The following CHRM5 variants were observed in gnomAD, a reference collection of about 807,000 sequenced individuals.
CHRM5 encodes cholinergic receptor muscarinic 5.
CHRM5 carries 18 observed loss-of-function variants against 39.0 expected under a neutral mutation model. That is an observed-to-expected ratio of 0.46 (90% CI 0.32 to 0.68). CHRM5 has a LOEUF of 0.68. Among genes scored for constraint, CHRM5 ranks in the 30% least tolerant of loss-of-function variants. The probability of loss-of-function intolerance (pLI) is 0.04; values close to 1 mark genes in which losing one functional copy is unlikely to be tolerated. For missense variants in CHRM5, 515 were observed against 651.1 expected (o/e 0.79, Z 2.28); for synonymous variants, 241 against 246.3 (o/e 0.98, Z 0.20).
intron 1 of CHRM5, among the ~76,000 whole-genome samples, chr15:34,040,885 G>C (rs2140803923): frequency 7.2e-6 from 1 of 139,102 alleles, no homozygotes; most frequent in South Asian, 2.5e-4. Context: ...ATGGGCAACA[G>C]AAGGAGACTG....
chr15:34,017,484 GT>G (rs60119659), intron 1 of CHRM5, among the ~76,000 whole-genome samples: 3,181 of 107,310 alleles, frequency 0.03, 93 homozygotes, highest in African/African-American at 0.074. Context: ...TTTTTTTTTT[GT>G]TTTTTTTTTT....
At position 33,997,713 on chromosome 15, in the gene CHRM5, A is replaced by T. The variant is rs1400615243; in HGVS notation, c.-408+28563A>T. Among the ~76,000 whole-genome samples, 12 of 151,912 alleles carry T rather than the reference A, an allele frequency of 7.9e-5. 1 individual carries two copies. Among genetic ancestry groups the T allele is most frequent in the Admixed American group, 7.9e-4 (12 of 15,242 alleles). On this transcript the variant is annotated intron_variant, in intron 1 of 2. Coordinates refer to ENST00000383263, the MANE Select transcript of CHRM5 (RefSeq NM_012125.4). ...CTCTCATATCTTCACTTATTTCCTT[A>T]TCCCACTTAAATTCATTTCAATCAT...
chr15:34,019,227 A>G (rs1236965451), intron 1 of CHRM5, among the ~76,000 whole-genome samples: 1 of 152,208 alleles, frequency 6.6e-6, no homozygotes, highest in Non-Finnish European at 1.5e-5. Context: ...AGGCTAATGG[A>G]TGTAATTGTT....
chr15:34,054,461 T>C (rs1038545905), intron 2 of CHRM5, among the ~76,000 whole-genome samples: 10 of 152,226 alleles, frequency 6.6e-5, no homozygotes, highest in African/African-American at 2.4e-4. Context: ...GGATAAAAAA[T>C]GTGGTACAGA....
At chr15:34,016,189 G>A (rs969004833) in intron 1 of CHRM5, among the ~76,000 whole-genome samples, 31 of 152,260 alleles carry the variant, frequency 2.0e-4, no homozygotes, top group South Asian at 1.0e-3. Context: ...AGCCAAGATC[G>A]TGCCATTGCA....
intron 1 of CHRM5, among the ~76,000 whole-genome samples, chr15:34,031,886 C>T (rs993874422): frequency 3.9e-5 from 6 of 152,170 alleles, no homozygotes; most frequent in Admixed American, 3.9e-4. Context: ...TTCTCCATAA[C>T]CATTATCCAT....
chr15:34,003,072 T>C (rs778745031), intron 1 of CHRM5: 6 of 1,614,044 alleles, frequency 3.7e-6, no homozygotes, highest in African/African-American at 2.7e-5. Context: ...TTCCCCTCTG[T>C]GACTCTCCAC....
At chr15:34,003,725 G>T (rs1227000383) in intron 1 of CHRM5, among the ~76,000 whole-genome samples, 1 of 152,184 alleles carries the variant, frequency 6.6e-6, no homozygotes. Context: ...GAGGGACAAT[G>T]ACTTGTGAAA....
At chr15:33,999,928 A>C (rs75169769) in intron 1 of CHRM5, among the ~76,000 whole-genome samples, 2 of 152,318 alleles carry the variant, frequency 1.3e-5, no homozygotes, top group African/African-American at 4.8e-5. Flanking sequence ...ACATCTTTAC[A>C]ATGGTCTACA....
At chr15:33,986,746 T>C (rs1896490045) in intron 1 of CHRM5, among the ~76,000 whole-genome samples, 1 of 147,826 alleles carries the variant, frequency 6.8e-6, no homozygotes, top group African/African-American at 2.4e-5. Flanking sequence ...AACCTCCGCC[T>C]CCCAGGTTCA....
chr15:34,041,667 GTTT>G (rs752344845), intron 1 of CHRM5, among the ~76,000 whole-genome samples: 1 of 152,096 alleles, frequency 6.6e-6, no homozygotes. Context: ...ATGATGCCAA[GTTT>G]TTTTAACACT....
intron 1 of CHRM5, among the ~76,000 whole-genome samples, chr15:33,996,374 T>G (rs527423565): frequency 6.7e-6 from 1 of 150,010 alleles, no homozygotes; most frequent in African/African-American, 2.5e-5. Flanking sequence ...ACAGACTGCC[T>G]CCTCAAGTGG....
Position 34,064,690 on chromosome 15 carries a change from C to T in CHRM5, c.*374C>T, listed in dbSNP as rs1156424073. The T allele has an allele frequency of 1.3e-5, 3 of 233,028 alleles. No homozygotes were observed. Among genetic ancestry groups the T allele is most frequent in the African/African-American group, 4.6e-5 (2 of 43,568 alleles). The allele number at this position is 233,028 out of a possible 1,614,324, so 14.4% of individuals were successfully genotyped here. ...AGGTGGAAACCTTTTCCTGTGGAAA[C>T]CTGTCATAGAATTTTGTGCAATATG... On this transcript the variant is annotated 3_prime_UTR_variant, in exon 3 of 3. Coordinates refer to ENST00000383263, the MANE Select transcript of CHRM5 (RefSeq NM_012125.4).
intron 1 of CHRM5, among the ~76,000 whole-genome samples, chr15:34,021,123 T>TA (rs1238357812): frequency 2.6e-5 from 4 of 152,238 alleles, no homozygotes; most frequent in Non-Finnish European, 5.9e-5. Flanking sequence ...GAAGAGTCTA[T>TA]AAAATGCCTA....
chr15:34,055,218 G>T (rs932747353), intron 2 of CHRM5, among the ~76,000 whole-genome samples: 1 of 151,470 alleles, frequency 6.6e-6, no homozygotes, highest in Admixed American at 6.6e-5. Flanking sequence ...AATAAACAAG[G>T]CCAGGCCCGG....
chr15:33,997,758 C>T (rs917952010), intron 1 of CHRM5, among the ~76,000 whole-genome samples: 18 of 152,110 alleles, frequency 1.2e-4, no homozygotes, highest in African/African-American at 4.1e-4. Context: ...CTCCTTTTCC[C>T]TCTCTCATTT....
chr15:34,042,389 G>A (rs995818340), intron 1 of CHRM5, among the ~76,000 whole-genome samples: 1 of 149,968 alleles, frequency 6.7e-6, no homozygotes, highest in Non-Finnish European at 1.5e-5. Flanking sequence ...ATACATACAT[G>A]ACCTAAGTTT....
At chr15:34,026,957 C>A (rs1330288590) in intron 1 of CHRM5, among the ~76,000 whole-genome samples, 1 of 152,034 alleles carries the variant, frequency 6.6e-6, no homozygotes, top group African/African-American at 2.4e-5. Context: ...GAAGAAGTTT[C>A]TAACAATTAG....
At chr15:34,057,505 C>A (rs1194063460) in intron 2 of CHRM5, among the ~76,000 whole-genome samples, 1 of 152,172 alleles carries the variant, frequency 6.6e-6, no homozygotes, top group African/African-American at 2.4e-5. Flanking sequence ...TCCCTTGTGT[C>A]AGGCACTGGC....
Sources: gnomAD v4.1 joint callset for allele counts (sites outside exome capture counted in the v4.1 genomes callset) on GRCh38, gnomAD v4.1.1 for gene constraint, MANE v1.5 for transcripts, NCBI Gene and HGNC (gene_info 2026-07-23, HGNC 2026-07-21) for gene names.